EDIL3: variants seen among roughly 807,000 people sequenced by gnomAD.
EDIL3 encodes the protein EGF-like repeat and discoidin I-like domain-containing protein 3.
Under a neutral mutation model 67.4 loss-of-function variants are expected in EDIL3, and 37 were observed. That is an observed-to-expected ratio of 0.55 (90% CI 0.42 to 0.72). EDIL3 has a LOEUF of 0.72. Ranked by LOEUF, EDIL3 falls within the 30% of genes least tolerant of loss-of-function variation. The pLI, the probability that EDIL3 is intolerant of heterozygous loss-of-function variation, is 0.00. For missense variants in EDIL3, 527 were observed against 586.3 expected (o/e 0.90, Z 1.04); for synonymous variants, 195 against 196.3 (o/e 0.99, Z 0.05).
At chr5:84,108,657 G>A (rs533344080) in intron 5 of EDIL3, among the ~76,000 whole-genome samples, 2 of 152,082 alleles carry the variant, frequency 1.3e-5, no homozygotes, top group South Asian at 4.1e-4. Flanking sequence ...CTTCATAAAC[G>A]TACTAAGAAA....
chr5:84,087,253 A>G (rs1310030181), intron 6 of EDIL3, among the ~76,000 whole-genome samples: 1 of 152,222 alleles, frequency 6.6e-6, no homozygotes, highest in Admixed American at 6.5e-5. Context: ...CATCCTTTGT[A>G]TAATCTTCAC....
chr5:84,305,788 A>G (rs1746254293), intron 1 of EDIL3, among the ~76,000 whole-genome samples: 1 of 152,144 alleles, frequency 6.6e-6, no homozygotes. Context: ...CTGAGGCAGG[A>G]GAATTGCTTG....
At chr5:84,275,082 T>G (rs559909399) in intron 1 of EDIL3, among the ~76,000 whole-genome samples, 1 of 152,160 alleles carries the variant, frequency 6.6e-6, no homozygotes, top group Admixed American at 6.6e-5. Context: ...CACAGCCAGG[T>G]GGCGGCACAT....
At chr5:84,189,315 C>G (rs1163781216) in intron 3 of EDIL3, among the ~76,000 whole-genome samples, 1 of 151,756 alleles carries the variant, frequency 6.6e-6, no homozygotes, top group African/African-American at 2.4e-5. Flanking sequence ...GGAAGATTTC[C>G]TGGGGTTAAT....
chr5:84,001,843 T>C (rs1745336701), intron 9 of EDIL3, among the ~76,000 whole-genome samples: 2 of 152,074 alleles, frequency 1.3e-5, no homozygotes, highest in African/African-American at 4.8e-5. Flanking sequence ...GAAGAGCTAA[T>C]ACTAATCCTA....
At chr5:84,148,771 T>C (rs541458253) in intron 4 of EDIL3, among the ~76,000 whole-genome samples, 27 of 152,202 alleles carry the variant, frequency 1.8e-4, no homozygotes, top group African/African-American at 6.5e-4. Context: ...CACTACTCAG[T>C]GCTAAAAATG....
At chr5:83,977,727 T>C (rs1273497302) in intron 9 of EDIL3, among the ~76,000 whole-genome samples, 1 of 151,888 alleles carries the variant, frequency 6.6e-6, no homozygotes, top group African/African-American at 2.4e-5. Context: ...ATATTAAATT[T>C]TTTCTACTTA....
At chr5:83,989,528 G>A (rs1457171319) in intron 9 of EDIL3, among the ~76,000 whole-genome samples, 1 of 152,116 alleles carries the variant, frequency 6.6e-6, no homozygotes, top group East Asian at 1.9e-4. Context: ...GGTTCCTTTG[G>A]GTCTTTGTAG....
chr5:83,952,554 A>T (rs1230895904), intron 10 of EDIL3, among the ~76,000 whole-genome samples: 4 of 151,856 alleles, frequency 2.6e-5, no homozygotes, highest in African/African-American at 9.7e-5. Flanking sequence ...GAATAGTTGG[A>T]AAGTAAGGGC....
intron 1 of EDIL3, among the ~76,000 whole-genome samples, chr5:84,368,305 A>G (rs941422089): frequency 6.6e-6 from 1 of 152,190 alleles, no homozygotes; most frequent in East Asian, 1.9e-4. Flanking sequence ...AAGCTCAGAA[A>G]TAAAGTTTCA....
At chr5:84,128,286 T>C (rs2112305630) in intron 5 of EDIL3, among the ~76,000 whole-genome samples, 1 of 152,262 alleles carries the variant, frequency 6.6e-6, no homozygotes, top group Middle Eastern at 3.4e-3. Context: ...GAACCATCTA[T>C]ATTCTTTCTT....
At chr5:84,176,816 T>C (rs1003731067) in intron 4 of EDIL3, among the ~76,000 whole-genome samples, 2 of 151,214 alleles carry the variant, frequency 1.3e-5, no homozygotes, top group Non-Finnish European at 1.5e-5. Flanking sequence ...TTCTATGATA[T>C]ATATATATAT....
At chr5:84,301,268 CA>C (rs796736918) in intron 1 of EDIL3, among the ~76,000 whole-genome samples, 2 of 72,542 alleles carry the variant, frequency 2.8e-5, no homozygotes, top group Non-Finnish European at 5.9e-5. Flanking sequence ...AATTCTGTCT[CA>C]AAAAAAAAAG....
chr5:84,079,617 C>T (rs6890989), intron 6 of EDIL3, among the ~76,000 whole-genome samples: 41,109 of 151,604 alleles, frequency 0.27, 5,734 homozygotes, highest in African/African-American at 0.3. Context: ...CCTACTAGGG[C>T]TTTTGCTTGG....
At chr5:84,267,792 A>G (rs564948504) in intron 1 of EDIL3, among the ~76,000 whole-genome samples, 27 of 152,372 alleles carry the variant, frequency 1.8e-4, no homozygotes, top group Non-Finnish European at 7.4e-5. Flanking sequence ...TGAAATGACA[A>G]AATGACAGTA....
chr5:83,955,660 T>C (rs1744502574), intron 10 of EDIL3, among the ~76,000 whole-genome samples: 1 of 151,762 alleles, frequency 6.6e-6, no homozygotes, highest in Non-Finnish European at 1.5e-5. Flanking sequence ...TAAATAACAG[T>C]CACACCAGTA....
chr5:83,947,028 T>C (rs940974772), intron 10 of EDIL3, among the ~76,000 whole-genome samples: 1 of 151,920 alleles, frequency 6.6e-6, no homozygotes, highest in Non-Finnish European at 1.5e-5. Flanking sequence ...ATCAGCATTT[T>C]ACATCAGTAT....
intron 10 of EDIL3, among the ~76,000 whole-genome samples, chr5:83,959,210 T>C (rs997442180): frequency 6.8e-6 from 1 of 147,788 alleles, no homozygotes; most frequent in Non-Finnish European, 1.5e-5. Flanking sequence ...TATATATATA[T>C]ACATTATATA....
chr5:84,238,228 C>A (rs1457155315), intron 2 of EDIL3, among the ~76,000 whole-genome samples: 3 of 151,804 alleles, frequency 2.0e-5, no homozygotes, highest in Non-Finnish European at 4.4e-5. Flanking sequence ...GACTTTTTAC[C>A]ATTTTAATAT....
Sources: gnomAD v4.1 joint callset for allele counts (sites outside exome capture counted in the v4.1 genomes callset) on GRCh38, gnomAD v4.1.1 for gene constraint, MANE v1.5 for transcripts, NCBI Gene and HGNC (gene_info 2026-07-23, HGNC 2026-07-21) for gene names.